Variants in GIPC3 observed in about 807,000 individuals in gnomAD.
GIPC3 encodes GIPC PDZ domain containing family member 3, also known as PDZ domain-containing protein GIPC3.
GIPC3 carries 16 observed loss-of-function variants against 27.3 expected under a neutral mutation model. The ratio of observed to expected loss-of-function variants is 0.59; its 90% CI spans 0.40 to 0.89. GIPC3 has a LOEUF of 0.89. Among genes scored for constraint, GIPC3 ranks in the 40% least tolerant of loss-of-function variants. The pLI, the probability that GIPC3 is intolerant of heterozygous loss-of-function variation, is 0.00. For synonymous variants in GIPC3, 194 were observed against 184.6 expected, an observed-to-expected ratio of 1.05 and a Z score of -0.41; for missense variants, 440 against 442.1, an observed-to-expected ratio of 1.00 and a Z score of 0.04.
chr19:3,588,465 TC>T (rs2032416818), intron 3 of GIPC3, among the ~76,000 whole-genome samples: 1 of 151,914 alleles, frequency 6.6e-6, no homozygotes, highest in Admixed American at 6.6e-5. Context: ...TGGAGAGACG[TC>T]CCAGGGAGAG....
rs771169642 is a variant in GIPC3 at position 3,591,274 on chromosome 19, C to G, written c.*1084C>G. The G allele has an allele frequency of 2.0e-5, 25 of 1,232,728 alleles. No individual in the cohort carries two copies. Among genetic ancestry groups the G allele is most frequent in the Middle Eastern group, 3.1e-4 (1 of 3,236 alleles). The allele number at this position is 1,232,728 out of a possible 1,614,324, so 76.4% of individuals were successfully genotyped here. On this transcript the variant is annotated 3_prime_UTR_variant, in exon 6 of 6. Coordinates refer to ENST00000644452, the MANE Select transcript of GIPC3 (RefSeq NM_133261.3). ...ACCAAGCCCTGCTCTGAAGCCCAGGCCAGCTCTGAGACGAAGCACATCTCT... is the reference window on the plus strand; with the variant it reads ...ACCAAGCCCTGCTCTGAAGCCCAGGGCAGCTCTGAGACGAAGCACATCTCT...
At position 3,592,153 on chromosome 19, in the gene GIPC3, T is replaced by C; in HGVS notation, c.*1963T>C. ...GCAATAGAATTAAGCTCCACAGCCC[T>C]GTCTAGTTCCGACAGCAGGTCCAGC... On this transcript the variant is annotated 3_prime_UTR_variant, in exon 6 of 6. Coordinates refer to ENST00000644452, the MANE Select transcript of GIPC3 (RefSeq NM_133261.3). 1.6e-6 allele frequency: 2 copies of C among 1,231,994 alleles called. No homozygotes were observed. The highest frequency in any genetic ancestry group is 2.0e-6 in the Non-Finnish European group (2 of 988,056). 76.3% of individuals were successfully genotyped at this position (1,231,994 alleles called of 1,614,324 possible).
intron 1 of GIPC3, 110 bp from the exon 2 acceptor site, chr19:3,586,385 T>TC (rs2032364758): frequency 4.1e-6 from 4 of 986,114 alleles, no homozygotes; most frequent in Non-Finnish European, 6.2e-6. Flanking sequence ...CCCTGCCCTT[T>TC]CCCATGGGCT....
At chr19:3,587,835 C>T (rs535885739) in intron 3 of GIPC3, among the ~76,000 whole-genome samples, 3 of 151,336 alleles carry the variant, frequency 2.0e-5, no homozygotes, top group Non-Finnish European at 4.4e-5. Flanking sequence ...GGACTACAGG[C>T]GCCCGCCACC....
At position 3,585,789 on chromosome 19, in the gene GIPC3, G is replaced by A. The variant is rs876657466; in HGVS notation, c.192G>A (p.Lys64=). 6.5e-6 allele frequency: 10 copies of A among 1,547,958 alleles called. No individual in the cohort carries two copies. Among genetic ancestry groups the A allele is most frequent in the Non-Finnish European group, 8.7e-6 (10 of 1,146,492 alleles). The change falls in exon 1 of 6, where the codon AAG becomes AAA. Residue 64 remains lysine (K), a synonymous_variant. Coordinates refer to ENST00000644452, the MANE Select transcript of GIPC3 (RefSeq NM_133261.3). The part of the protein sequence containing the change: ...GFTNVRELYA[K]IAEAFGIAPT... ...CCAACGTCCGCGAGCTGTACGCCAAGATCGCCGAAGCCTTCGGGATCGCGC... is the reference window on the plus strand; with the variant it reads ...CCAACGTCCGCGAGCTGTACGCCAAAATCGCCGAAGCCTTCGGGATCGCGC...
rs545396974 is a variant in GIPC3, at chr19:3,586,948, G to A, written c.546G>A (p.Lys182=). Residue 182 remains lysine (K), a synonymous_variant, in exon 3 of 6, where the codon AAG becomes AAA. Coordinates refer to ENST00000644452, the MANE Select transcript of GIPC3 (RefSeq NM_133261.3). ...CCAAGATGCTCCGGGAGCTGCCCAAGTCCCAGCCCTTCACCCTGCGCCTGG... is the reference window on the plus strand; with the variant it reads ...CCAAGATGCTCCGGGAGCTGCCCAAATCCCAGCCCTTCACCCTGCGCCTGG... ...EVAKMLRELP[K]SQPFTLRLVQ... 5.0e-6 allele frequency: 8 copies of A among 1,613,272 alleles called. No individual in the cohort carries two copies. In the South Asian group the frequency reaches 7.7e-5, roughly 15 times the overall value.
At position 3,593,003 on chromosome 19, in the gene GIPC3, G is replaced by A. The variant is rs2032516039; in HGVS notation, c.*2813G>A. 9.2e-7 allele frequency: 1 copy of A among 1,088,314 alleles called. No individual in the cohort carries two copies. Among genetic ancestry groups the A allele is most frequent in the Non-Finnish European group, 1.1e-6 (1 of 908,894 alleles). The allele number at this position is 1,088,314 out of a possible 1,614,324, so 67.4% of individuals were successfully genotyped here. On this transcript the variant is annotated 3_prime_UTR_variant, in exon 6 of 6. Transcript: ENST00000644452. ...AGCCTCTGCCTCAGCCCCATGATCA[G>A]GTATGTGGCATCCAGGCCAGCCTTG...
rs2032484376 is a variant in GIPC3 at position 3,591,264 on chromosome 19, G to A, written c.*1074G>A. The A allele has an allele frequency of 3.2e-6, 4 of 1,232,320 alleles. No individual in the cohort carries two copies. The highest frequency in any genetic ancestry group is 4.0e-6 in the Non-Finnish European group (4 of 988,310). 76.3% of individuals were successfully genotyped at this position (1,232,320 alleles called of 1,614,324 possible). On this transcript the variant is annotated 3_prime_UTR_variant, in exon 6 of 6. Coordinates refer to ENST00000644452, the MANE Select transcript of GIPC3 (RefSeq NM_133261.3). ...AAGATCTGAGACCAAGCCCTGCTCT[G>A]AAGCCCAGGCCAGCTCTGAGACGAA...
rs533780326 is a variant in GIPC3 at position 3,589,436 on chromosome 19, C to T, written c.593-7C>T. The T allele has an allele frequency of 1.9e-6, 3 of 1,607,790 alleles. No homozygotes were observed. The highest frequency in any genetic ancestry group is 2.2e-5 in the South Asian group (2 of 90,958). On this transcript the variant is annotated splice_region_variant and splice_polypyrimidine_tract_variant and intron_variant, in intron 3 of 5. Coordinates refer to ENST00000644452, the MANE Select transcript of GIPC3 (RefSeq NM_133261.3). ...CCCATGGCCATCCCTCACTCTGTTC[C>T]CTCCAGATATGATTGGCCAGAGAAG...
Position 3,591,337 on chromosome 19 carries a change from G to T in GIPC3, c.*1147G>T. ...AGCCCTGACAACAAGCCAAACTCTGGAACCCAGACACATTTTAAGACCCAG... is the reference window on the plus strand; with the variant it reads ...AGCCCTGACAACAAGCCAAACTCTGTAACCCAGACACATTTTAAGACCCAG... On this transcript the variant is annotated 3_prime_UTR_variant, in exon 6 of 6. Coordinates refer to ENST00000644452, the MANE Select transcript of GIPC3 (RefSeq NM_133261.3). The T allele has an allele frequency of 8.1e-7, 1 of 1,232,306 alleles. No homozygotes were observed. Among genetic ancestry groups the T allele is most frequent in the Non-Finnish European group, 1.0e-6 (1 of 988,250 alleles). 76.3% of individuals were successfully genotyped at this position (1,232,306 alleles called of 1,614,324 possible). A position where few individuals can be genotyped will look rare whatever the true frequency, so the allele number is the denominator to read the frequency against.
In GIPC3 at chr19:3,585,554, C is replaced by T; in HGVS notation, c.-44C>T. ...AGGCTGCAGGAAGCGGCGGATCCGGCGGCGGCGGCGAGGGCCCGGGTGGGT... is the reference window on the plus strand; with the variant it reads ...AGGCTGCAGGAAGCGGCGGATCCGGTGGCGGCGGCGAGGGCCCGGGTGGGT... On this transcript the variant is annotated 5_prime_UTR_variant, in exon 1 of 6. Coordinates refer to ENST00000644452, the MANE Select transcript of GIPC3 (RefSeq NM_133261.3). 8.8e-7 allele frequency: 1 copy of T among 1,138,160 alleles called. No homozygotes were observed. Among genetic ancestry groups the T allele is most frequent in the Non-Finnish European group, 1.1e-6 (1 of 928,152 alleles). The allele number at this position is 1,138,160 out of a possible 1,614,324, so 70.5% of individuals were successfully genotyped here.
At position 3,585,680 on chromosome 19, in the gene GIPC3, CG is replaced by C. The variant is rs756840753; in HGVS notation, c.85del (p.Ala29ProfsTer68). The C allele has an allele frequency of 6.2e-5, 84 of 1,361,678 alleles. No individual in the cohort carries two copies. The highest frequency in any genetic ancestry group is 7.7e-5 in the Non-Finnish European group (81 of 1,047,980). The allele number at this position is 1,361,678 out of a possible 1,614,324, so 84.3% of individuals were successfully genotyped here. A position where few individuals can be genotyped will look rare whatever the true frequency, so the allele number is the denominator to read the frequency against. On this transcript the variant is annotated frameshift_variant, in exon 1 of 6. Transcript: ENST00000644452. LOFTEE classifies it high-confidence loss of function. ...SAPPPAPSEP[P>X]AAPRARPRLV... is the part of the protein sequence containing the mutation. ...CCCCCGCCCGCGCCCTCGGAGCCCC[CG>C]GCCGCGCCCCGCGCCCGCCCGCGCC...
intron 5 of GIPC3, 34 bp from the exon 6 acceptor site, chr19:3,590,005 C>T (rs758225438): frequency 3.3e-5 from 54 of 1,612,982 alleles, no homozygotes; most frequent in Middle Eastern, 1.7e-4. Flanking sequence ...GCGGGGAGTG[C>T]CCTCACTGAC....
rs1287671245 is a variant in GIPC3, at chr19:3,590,395, G to A, written c.*205G>A. The stretch of plus-strand genomic sequence containing the variant: ...AAGCTATGTGCTAGAGCCCAGGCCA[G>A]CTCTGAGACCAAGCCCAGCATTGAG... On this transcript the variant is annotated 3_prime_UTR_variant, in exon 6 of 6. Transcript: ENST00000644452. 1 of 1,433,314 alleles carries A rather than the reference G, an allele frequency of 7.0e-7. No homozygotes were observed. The highest frequency in any genetic ancestry group is 9.1e-7 in the Non-Finnish European group (1 of 1,098,248). 88.8% of individuals were successfully genotyped at this position (1,433,314 alleles called of 1,614,324 possible). A position where few individuals can be genotyped will look rare whatever the true frequency, so the allele number is the denominator to read the frequency against.
chr19:3,589,898 G>C lies in GIPC3; in HGVS notation c.773G>C (p.Arg258Pro). Residue 258 changes from arginine to proline, a missense_variant, in exon 5 of 6, where the codon CGG becomes CCG. Arg to Pro is a moderately radical substitution (Grantham distance 103). Coordinates refer to ENST00000644452, the MANE Select transcript of GIPC3 (RefSeq NM_133261.3). ...DDLLESYMGI[R>P]DPELASTMVE... ...CTGCTGGAAAGCTACATGGGCATTC[G>C]GGACCCCGAGCTGGGTAAGGGGCCA... is the stretch of plus-strand genomic sequence containing the variant. The C allele has an allele frequency of 6.2e-7, 1 of 1,613,832 alleles. No individual in the cohort carries two copies. The highest frequency in any genetic ancestry group is 2.2e-5 in the East Asian group (1 of 44,870).
In GIPC3 at chr19:3,586,932, T is replaced by TGC; in HGVS notation, c.530_531insGC (p.Arg178ProfsTer23). The TGC allele has an allele frequency of 1.2e-6, 2 of 1,613,308 alleles. No individual in the cohort carries two copies. Among genetic ancestry groups the TGC allele is most frequent in the Non-Finnish European group, 1.7e-6 (2 of 1,179,962 alleles). ...CGCCACTACGAGGTGGCCAAGATGC[T>TGC]CCGGGAGCTGCCCAAGTCCCAGCCC... is the stretch of plus-strand genomic sequence containing the variant. On this transcript the variant is annotated frameshift_variant, in exon 3 of 6. Coordinates refer to ENST00000644452, the MANE Select transcript of GIPC3 (RefSeq NM_133261.3). LOFTEE classifies it high-confidence loss of function.
intron 3 of GIPC3, 71 bp from the exon 4 acceptor site, chr19:3,589,372 G>T: frequency 1.8e-6 from 2 of 1,102,876 alleles, no homozygotes; most frequent in Non-Finnish European, 2.8e-6. Flanking sequence ...CTCGGCTGTT[G>T]GCCTCCCAGG....
rs922090714 is a variant in GIPC3 at position 3,592,191 on chromosome 19, C to A, written c.*2001C>A. The A allele has an allele frequency of 1.5e-5, 19 of 1,232,106 alleles. No homozygotes were observed. Among genetic ancestry groups the A allele is most frequent in the Non-Finnish European group, 1.9e-5 (19 of 988,054 alleles). 76.3% of individuals were successfully genotyped at this position (1,232,106 alleles called of 1,614,324 possible). A position where few individuals can be genotyped will look rare whatever the true frequency, so the allele number is the denominator to read the frequency against. ...CAGCAGGTCCAGCTCCAGGACCCAG[C>A]GCTGCCCAGGAGCTCGACCAGCCTC... is the stretch of plus-strand genomic sequence containing the variant. On this transcript the variant is annotated 3_prime_UTR_variant, in exon 6 of 6. Coordinates refer to ENST00000644452, the MANE Select transcript of GIPC3 (RefSeq NM_133261.3).
Position 3,593,175 on chromosome 19 carries a change from G to C in GIPC3, c.*2985G>C. On this transcript the variant is annotated 3_prime_UTR_variant, in exon 6 of 6. Transcript: ENST00000644452. Reference sequence around the variant, plus strand: ...CACCATATCTGTCACTCCTAGTCCTGCCCCTAGGGCAGCCCTCCTGAGTTC... The same window carrying C: ...CACCATATCTGTCACTCCTAGTCCTCCCCCTAGGGCAGCCCTCCTGAGTTC... The C allele has an allele frequency of 8.1e-7, 1 of 1,232,268 alleles. No homozygotes were observed. Among genetic ancestry groups the C allele is most frequent in the Non-Finnish European group, 1.0e-6 (1 of 988,086 alleles). 76.3% of individuals were successfully genotyped at this position (1,232,268 alleles called of 1,614,324 possible).
Sources: allele counts gnomAD v4.1 joint callset (sites outside exome capture counted in the v4.1 genomes callset), GRCh38; gene constraint gnomAD v4.1.1; transcripts MANE v1.5; gene names NCBI Gene and HGNC (gene_info 2026-07-23, HGNC 2026-07-21).